Variants in GRM8 observed in about 807,000 individuals in gnomAD.
The protein encoded by GRM8 is metabotropic glutamate receptor 8.
GRM8 carries 47 observed loss-of-function variants against 87.2 expected under a neutral mutation model. The observed-to-expected ratio is 0.54, with a 90% confidence interval of 0.43 to 0.69. The LOEUF (loss-of-function observed/expected upper bound fraction) is 0.69, where lower values mean the gene tolerates loss of function less well. Ranked by LOEUF, GRM8 falls within the 30% of genes least tolerant of loss-of-function variation. GRM8 has a pLI of 0.00. For missense variants in GRM8, 1,019 were observed against 1,139.2 expected, an observed-to-expected ratio of 0.89 and a Z score of 1.52; for synonymous variants, 396 against 404.5, an observed-to-expected ratio of 0.98 and a Z score of 0.25.
At position 127,242,944 on chromosome 7, in the gene GRM8, G is replaced by A; in HGVS notation, c.261C>T (p.Asn87=). 6.2e-7 allele frequency: 1 copy of A among 1,614,192 alleles called. No individual in the cohort carries two copies. Among genetic ancestry groups the A allele is most frequent in the Non-Finnish European group, 8.5e-7 (1 of 1,180,026 alleles). The stretch of plus-strand genomic sequence containing the variant: ...TGTTGGAAAGGAGATCAGGGTCCTT[G>A]TTAATCTGGTCAATTGCATAAAGCA... ...EAMLYAIDQI[N]KDPDLLSNIT... Residue 87 remains asparagine (N), a synonymous_variant, in exon 2 of 11, where the codon AAC becomes AAT. Coordinates refer to ENST00000339582, the MANE Select transcript of GRM8 (RefSeq NM_000845.3).
intron 6 of GRM8, among the ~76,000 whole-genome samples, chr7:126,801,168 T>G (rs1822631412): frequency 1.3e-5 from 2 of 152,288 alleles, no homozygotes; most frequent in Middle Eastern, 3.4e-3. Flanking sequence ...ATTTTTCACC[T>G]ACTAATGTCC....
chr7:126,810,748 T>C (rs1360702319), intron 6 of GRM8, among the ~76,000 whole-genome samples: 1 of 152,170 alleles, frequency 6.6e-6, no homozygotes, highest in Non-Finnish European at 1.5e-5. Context: ...AGGAACTTTA[T>C]GTACCTCACT....
In GRM8 at chr7:126,439,015, T is replaced by A; in HGVS notation, c.*104A>T. 1.3e-6 allele frequency: 1 copy of A among 766,228 alleles called. No individual in the cohort carries two copies. The highest frequency in any genetic ancestry group is 1.4e-5 in the South Asian group (1 of 69,910). The allele number at this position is 766,228 out of a possible 1,614,324, so 47.5% of individuals were successfully genotyped here. A position where few individuals can be genotyped will look rare whatever the true frequency, so the allele number is the denominator to read the frequency against. Reference sequence around the variant, plus strand: ...CTTACAAGACTGACTATTGATTTGATTGATTGTAGTCTACGGAGATCTCCA... The same window carrying A: ...CTTACAAGACTGACTATTGATTTGAATGATTGTAGTCTACGGAGATCTCCA... On this transcript the variant is annotated 3_prime_UTR_variant, in exon 11 of 11. Coordinates refer to ENST00000339582, the MANE Select transcript of GRM8 (RefSeq NM_000845.3).
intron 2 of GRM8, among the ~76,000 whole-genome samples, chr7:127,114,903 A>C (rs1826607974): frequency 6.6e-6 from 1 of 152,100 alleles, no homozygotes; most frequent in African/African-American, 2.4e-5. Flanking sequence ...TAAAGGGACT[A>C]TTTTCAAGGC....
chr7:126,535,648 T>C (rs976908524), intron 8 of GRM8, among the ~76,000 whole-genome samples: 1 of 152,162 alleles, frequency 6.6e-6, no homozygotes, highest in East Asian at 1.9e-4. Context: ...GTCGCTGCCA[T>C]GGAAAGAGGC....
At chr7:127,224,134 G>A (rs1797162859) in intron 2 of GRM8, among the ~76,000 whole-genome samples, 1 of 152,118 alleles carries the variant, frequency 6.6e-6, no homozygotes, top group Admixed American at 6.5e-5. Flanking sequence ...AGGAAAAAGA[G>A]GGTAGGGCTA....
chr7:126,855,527 G>A (rs953938876), intron 6 of GRM8, among the ~76,000 whole-genome samples: 3 of 150,054 alleles, frequency 2.0e-5, no homozygotes, highest in Admixed American at 6.7e-5. Context: ...CCAGGCTGGA[G>A]TGCAATAGAG....
At chr7:127,115,049 G>A (rs1461732582) in intron 2 of GRM8, among the ~76,000 whole-genome samples, 4 of 152,150 alleles carry the variant, frequency 2.6e-5, no homozygotes, top group Middle Eastern at 3.2e-3. Context: ...CTTGAGGGGT[G>A]CAGTAATCTC....
At chr7:126,454,770 A>T (rs542538178) in intron 9 of GRM8, among the ~76,000 whole-genome samples, 1 of 151,728 alleles carries the variant, frequency 6.6e-6, no homozygotes, top group African/African-American at 2.4e-5. Context: ...AAATCACGTG[A>T]TAACACAGGG....
chr7:126,926,865 G>A (rs895009073), intron 3 of GRM8, among the ~76,000 whole-genome samples: 1 of 152,198 alleles, frequency 6.6e-6, no homozygotes, highest in African/African-American at 2.4e-5. Context: ...CATTCAAACA[G>A]ATTATAAACC....
At chr7:126,583,226 C>G (rs1819776) in intron 8 of GRM8, among the ~76,000 whole-genome samples, 46,874 of 151,690 alleles carry the variant, frequency 0.31, 8,119 homozygotes, top group East Asian at 0.44. Flanking sequence ...TGTGGTCATG[C>G]GCGCCTGTAG....
At position 126,533,739 on chromosome 7, in the gene GRM8, A is replaced by G. The variant is rs2234948; in HGVS notation, c.1643T>C (p.Val548Ala). The G allele has an allele frequency of 1.2e-6, 2 of 1,614,098 alleles. No homozygotes were observed. The highest frequency in any genetic ancestry group is 1.7e-6 in the Non-Finnish European group (2 of 1,179,994). The change falls in exon 9 of 11, where the codon GTG (valine) becomes GCG (alanine). Residue 548 changes from valine (V) to alanine (A), a missense_variant. Coordinates refer to ENST00000339582, the MANE Select transcript of GRM8 (RefSeq NM_000845.3). ...GCAAAGTTCACAGGACAGCTCATCC[A>G]CCTGGTAGTTGTAACCTTCACAGCG... The part of the protein sequence containing the change: ...CERCEGYNYQ[V>A]DELSCELCPL...
chr7:126,901,963 T>C (rs1802122807), intron 6 of GRM8, among the ~76,000 whole-genome samples: 1 of 152,134 alleles, frequency 6.6e-6, no homozygotes, highest in African/African-American at 2.4e-5. Context: ...GAGTTTTTTT[T>C]CTATGTGCAC....
intron 6 of GRM8, among the ~76,000 whole-genome samples, chr7:126,895,216 G>A (rs1464109480): frequency 6.6e-6 from 1 of 152,056 alleles, no homozygotes; most frequent in Non-Finnish European, 1.5e-5. Flanking sequence ...CTGATTGCAT[G>A]TTTTTGCATT....
intron 7 of GRM8, among the ~76,000 whole-genome samples, chr7:126,670,682 T>A (rs186665665): frequency 6.6e-6 from 1 of 152,318 alleles, no homozygotes; most frequent in African/African-American, 2.4e-5. Flanking sequence ...AGTACAGGAC[T>A]CATAAAGAGC....
At chr7:126,867,595 A>C (rs1331673463) in intron 6 of GRM8, among the ~76,000 whole-genome samples, 1 of 152,224 alleles carries the variant, frequency 6.6e-6, no homozygotes, top group Non-Finnish European at 1.5e-5. Context: ...GTATCAAAAA[A>C]ATGAGACATT....
intron 6 of GRM8, among the ~76,000 whole-genome samples, chr7:126,895,140 A>T (rs116194489): frequency 1.9e-3 from 285 of 152,162 alleles, no homozygotes; most frequent in African/African-American, 6.5e-3. Context: ...ACATATATAC[A>T]TATTACTCTG....
intron 6 of GRM8, among the ~76,000 whole-genome samples, chr7:126,879,565 T>G (rs1799843568): frequency 1.3e-5 from 2 of 152,206 alleles, no homozygotes; most frequent in African/African-American, 2.4e-5. Context: ...TTCCAGAATT[T>G]TCTTAAATAT....
intron 6 of GRM8, among the ~76,000 whole-genome samples, chr7:126,771,434 G>C (rs1818833150): frequency 6.6e-6 from 1 of 151,334 alleles, no homozygotes; most frequent in Admixed American, 6.6e-5. Context: ...GTTTGGCATA[G>C]GTTTTCCGAT....
Sources: allele counts gnomAD v4.1 joint callset (sites outside exome capture counted in the v4.1 genomes callset), GRCh38; gene constraint gnomAD v4.1.1; transcripts MANE v1.5; gene names NCBI Gene and HGNC (gene_info 2026-07-23, HGNC 2026-07-21).